BCLAF1: variants seen among roughly 807,000 people sequenced by gnomAD.
BCLAF1 encodes BCL2 associated transcription factor 1.
Under a neutral mutation model 99.5 loss-of-function variants are expected in BCLAF1, and 10 were observed. That is an observed-to-expected ratio of 0.10 (90% confidence interval 0.06 to 0.17). The LOEUF (loss-of-function observed/expected upper bound fraction) is 0.17. Ranked by LOEUF, BCLAF1 falls within the 10% of genes least tolerant of loss-of-function variation. BCLAF1 has a pLI of 1.00. For missense variants in BCLAF1, 636 were observed against 1,105.8 expected (o/e 0.58, Z 6.02); for synonymous variants, 255 against 370.9 (o/e 0.69, Z 3.59).
At chr6:136,271,752 A>G (rs922318798) in intron 8 of BCLAF1, among the ~76,000 whole-genome samples, 2 of 151,406 alleles carry the variant, frequency 1.3e-5, no homozygotes, top group Admixed American at 1.3e-4. Flanking sequence ...CACTTTTCTT[A>G]GGACTATTTT....
rs535918495 is a variant in BCLAF1 at position 136,258,558 on chromosome 6, A to T, written c.*2552T>A. On this transcript the variant is annotated 3_prime_UTR_variant, in exon 13 of 13. Coordinates refer to ENST00000531224, the MANE Select transcript of BCLAF1 (RefSeq NM_014739.3). The stretch of plus-strand genomic sequence containing the variant: ...AGGCCACAGAAATAAGATGTGTGAA[A>T]TAGACACAGGTAAACAAACAACAGC... 2 of 152,664 alleles carry T rather than the reference A, an allele frequency of 1.3e-5. No homozygotes were observed. Among genetic ancestry groups the T allele is most frequent in the South Asian group, 4.1e-4 (2 of 4,834 alleles). 9.5% of individuals were successfully genotyped at this position (152,664 alleles called of 1,614,324 possible). A position where few individuals can be genotyped will look rare whatever the true frequency, so the allele number is the denominator to read the frequency against.
In BCLAF1 at chr6:136,260,590, T is replaced by C. The variant is rs186611139; in HGVS notation, c.*520A>G. The C allele has an allele frequency of 1.3e-5, 2 of 154,890 alleles. No homozygotes were observed. The highest frequency in any genetic ancestry group is 1.3e-4 in the Admixed American group (2 of 15,332). The allele number at this position is 154,890 out of a possible 1,614,324, so 9.6% of individuals were successfully genotyped here. The stretch of plus-strand genomic sequence containing the variant: ...TTGCTCAAGTGTTAAACTAGCTTAG[T>C]TTACCATAGTAACAACTTTTTGTCT... On this transcript the variant is annotated 3_prime_UTR_variant, in exon 13 of 13. Transcript: ENST00000531224.
chr6:136,284,130 G>GTGTATGTGTGTATATATATATATATA (rs36141174), intron 1 of BCLAF1, among the ~76,000 whole-genome samples: 1 of 122,120 alleles, frequency 8.2e-6, no homozygotes, highest in African/African-American at 4.1e-5. Flanking sequence ...GTGTGTGTGT[G>GTGTATGTGTGTATATATATATATATA]TATATATATA....
chr6:136,272,519 GT>G (rs1782678464), intron 7 of BCLAF1, among the ~76,000 whole-genome samples: 1 of 151,860 alleles, frequency 6.6e-6, no homozygotes, highest in South Asian at 2.1e-4. Flanking sequence ...TTCTTTAGCA[GT>G]CATCACCAAA....
intron 6 of BCLAF1, chr6:136,274,116 A>C (rs1314128599): frequency 1.6e-6 from 2 of 1,288,864 alleles, no homozygotes; most frequent in South Asian, 2.5e-5. Context: ...AGAAGATTCA[A>C]CTTTGCCTGT....
In BCLAF1 at chr6:136,257,212, C is replaced by T. The variant is rs1017516208; in HGVS notation, c.*3898G>A. 1 of 152,112 alleles carries T rather than the reference C, an allele frequency of 6.6e-6. No individual in the cohort carries two copies. Among genetic ancestry groups the T allele is most frequent in the Non-Finnish European group, 1.5e-5 (1 of 68,012 alleles). 9.4% of individuals were successfully genotyped at this position (152,112 alleles called of 1,614,324 possible). A position where few individuals can be genotyped will look rare whatever the true frequency, so the allele number is the denominator to read the frequency against. ...ACTGTGGTAAAACACCAAAAATATC[C>T]ATAGGAAAAATTTTCCTATATACAG... is the stretch of plus-strand genomic sequence containing the variant. On this transcript the variant is annotated 3_prime_UTR_variant, in exon 13 of 13. Coordinates refer to ENST00000531224, the MANE Select transcript of BCLAF1 (RefSeq NM_014739.3).
At position 136,269,472 on chromosome 6, in the gene BCLAF1, T is replaced by C. The variant is rs758450829; in HGVS notation, c.2184A>G (p.Lys728=). 6.2e-7 allele frequency: 1 copy of C among 1,610,978 alleles called. No individual in the cohort carries two copies. The highest frequency in any genetic ancestry group is 1.1e-5 in the South Asian group (1 of 90,678). Residue 728 remains lysine (K), a synonymous_variant, in exon 9 of 13, where the codon AAA becomes AAG. Transcript: ENST00000531224. ...TGTAAGATTTGTATTCCTTGTAATC[T>C]TTTGGAGTTTTTTCCTGCTTTCTTG... ...SGSRKQEKTP[K]DYKEYKSYKD... is the part of the protein sequence containing the mutation.
chr6:136,287,890 G>A (rs1379722340), intron 1 of BCLAF1, among the ~76,000 whole-genome samples: 1 of 152,030 alleles, frequency 6.6e-6, no homozygotes, highest in African/African-American at 2.4e-5. Flanking sequence ...GTGTGGTGGC[G>A]GGCGCCTGTA....
intron 2 of BCLAF1, among the ~76,000 whole-genome samples, chr6:136,281,844 G>C (rs560780201): frequency 6.6e-6 from 1 of 152,304 alleles, no homozygotes; most frequent in African/African-American, 2.4e-5. Context: ...GAGCACAACA[G>C]GTATTTAATA....
Position 136,268,155 on chromosome 6 carries a change from C to G in BCLAF1, c.2397+7G>C, listed in dbSNP as rs778653407. 5 of 1,511,128 alleles carry G rather than the reference C, an allele frequency of 3.3e-6. No individual in the cohort carries two copies. Among genetic ancestry groups the G allele is most frequent in the East Asian group, 4.6e-5 (2 of 43,730 alleles). The allele number at this position is 1,511,128 out of a possible 1,614,324, so 93.6% of individuals were successfully genotyped here. A position where few individuals can be genotyped will look rare whatever the true frequency, so the allele number is the denominator to read the frequency against. On this transcript the variant is annotated splice_region_variant and intron_variant, in intron 10 of 12. Transcript: ENST00000531224. ...ACCAAACAATCAAAGATAATTTTTT[C>G]ACTTACAAAGGTTCCTCGTGGTCGG...
chr6:136,271,758 A>T (rs1389441466), intron 8 of BCLAF1, among the ~76,000 whole-genome samples: 1 of 151,314 alleles, frequency 6.6e-6, no homozygotes, highest in Non-Finnish European at 1.5e-5. Context: ...TCTTAGGACT[A>T]TTTTTTTTCC....
At chr6:136,270,283 G>A (rs1782335599) in intron 8 of BCLAF1, 1 of 151,814 alleles carries the variant, frequency 6.6e-6, no homozygotes, top group Non-Finnish European at 1.5e-5. Context: ...CTCAATTCAG[G>A]TATTGCAACG....
intron 10 of BCLAF1, 143 bp from the exon 11 acceptor site, chr6:136,267,318 G>A (rs1473451072): frequency 3.0e-6 from 3 of 1,013,782 alleles, no homozygotes; most frequent in Non-Finnish European, 4.2e-6. Flanking sequence ...GAAAAGGATG[G>A]CCATTTTATA....
intron 8 of BCLAF1, among the ~76,000 whole-genome samples, chr6:136,270,558 C>T (rs1267199927): frequency 1.3e-5 from 2 of 151,730 alleles, no homozygotes; most frequent in Non-Finnish European, 2.9e-5. Flanking sequence ...CTATTTGCTC[C>T]CAGAGTCACA....
rs573631952 is a variant in BCLAF1, at chr6:136,264,103, T to C, written c.2545-2626A>G. On this transcript the variant is annotated intron_variant, in intron 11 of 12. Transcript: ENST00000531224. ...TTTTCCATCCACAAAAATAGAATAA[T>C]GGCCCCAACTCAAAAGCCTTTTTTA... is the stretch of plus-strand genomic sequence containing the variant. 1.1e-4 allele frequency among the ~76,000 whole-genome samples: 17 copies of C among 152,210 alleles called. 2 individuals are homozygous for C. In the South Asian group the frequency reaches 3.5e-3, roughly 32 times the overall value.
intron 8 of BCLAF1, among the ~76,000 whole-genome samples, chr6:136,271,756 C>T (rs1199875776): frequency 6.6e-6 from 1 of 151,110 alleles, no homozygotes; most frequent in African/African-American, 2.4e-5. Context: ...TTTCTTAGGA[C>T]TATTTTTTTT....
rs751657214 is a variant in BCLAF1 at position 136,276,176 on chromosome 6, C to G, written c.1349G>C (p.Ser450Thr). ...ATTTTTTTCTTCTCTAAATCCATCA[C>G]TTTCTCTATTGCCTTTCAGTGAAAC... ...SKVSLKGNRESDGFREEKNYK... is the reference protein window; with the variant it reads ...SKVSLKGNRETDGFREEKNYK... Residue 450 changes from serine to threonine, a missense_variant, in exon 5 of 13, where the codon AGT becomes ACT. Transcript: ENST00000531224. 1 of 1,612,996 alleles carries G rather than the reference C, an allele frequency of 6.2e-7. No homozygotes were observed.
intron 4 of BCLAF1, among the ~76,000 whole-genome samples, chr6:136,277,183 A>C (rs1783547294): frequency 6.6e-6 from 1 of 152,258 alleles, no homozygotes; most frequent in Non-Finnish European, 1.5e-5. Flanking sequence ...AACACTTGAA[A>C]TCAGAATTTA....
rs777398704 is a variant in BCLAF1, at chr6:136,273,106, C to T, written c.1934G>A (p.Arg645Gln). Residue 645 changes from arginine to glutamine, a missense_variant, in exon 7 of 13, where the codon CGG becomes CAG. Coordinates refer to ENST00000531224, the MANE Select transcript of BCLAF1 (RefSeq NM_014739.3). ...CCTGTGTATTTCAGGGCTCTTTTGC[C>T]GAGTACTATGTTCTTCAGTGGCTTT... is the stretch of plus-strand genomic sequence containing the variant. ...YQKATEEHST[R>Q]QKSPEIHRRI... 4 of 1,611,696 alleles carry T rather than the reference C, an allele frequency of 2.5e-6. No homozygotes were observed. The highest frequency in any genetic ancestry group is 1.7e-4 in the Middle Eastern group (1 of 6,036).
Sources: allele counts gnomAD v4.1 joint callset (sites outside exome capture counted in the v4.1 genomes callset), GRCh38; gene constraint gnomAD v4.1.1; transcripts MANE v1.5; gene names NCBI Gene and HGNC (gene_info 2026-07-23, HGNC 2026-07-21).